The following EPHA3 variants were observed in gnomAD, a reference collection of about 807,000 sequenced individuals.
EPHA3 encodes EPH receptor A3, also known as ephrin type-A receptor 3.
A neutral mutation model predicts 107.1 loss-of-function variants in EPHA3; 42 were observed. The ratio of observed to expected loss-of-function variants is 0.39; its 90% CI spans 0.31 to 0.51. The LOEUF (loss-of-function observed/expected upper bound fraction) is 0.51. Ranked by LOEUF, EPHA3 falls within the 20% of genes least tolerant of loss-of-function variation. The pLI, the probability that EPHA3 is intolerant of heterozygous loss-of-function variation, is 0.78. For missense variants in EPHA3, 1,183 were observed against 1,211.2 expected (o/e 0.98, Z 0.35); for synonymous variants, 461 against 424.8 (o/e 1.09, Z -1.05).
At chr3:89,237,026 AAT>A (rs1289645768) in intron 3 of EPHA3, among the ~76,000 whole-genome samples, 1 of 152,224 alleles carries the variant, frequency 6.6e-6, no homozygotes, top group African/African-American at 2.4e-5. Flanking sequence ...CGAATGGATA[AAT>A]GAATGCATGG....
At chr3:89,259,147 T>C (rs182943244) in intron 3 of EPHA3, among the ~76,000 whole-genome samples, 53 of 152,316 alleles carry the variant, frequency 3.5e-4, no homozygotes, top group African/African-American at 1.1e-3. Context: ...AATATTATTT[T>C]TTAAATTACT....
chr3:89,459,481 CCTT>C (rs1710172914), intron 15 of EPHA3, among the ~76,000 whole-genome samples: 1 of 140,674 alleles, frequency 7.1e-6, no homozygotes, highest in Admixed American at 7.1e-5. Flanking sequence ...TTCCTTCTCT[CCTT>C]CCTTCTCTCC....
Position 89,323,595 on chromosome 3 carries a change from A to T in EPHA3, c.815-17321A>T, listed in dbSNP as rs1302203278. On this transcript the variant is annotated intron_variant, in intron 3 of 16. Coordinates refer to ENST00000336596, the MANE Select transcript of EPHA3 (RefSeq NM_005233.6). ...AAATAGTATTTATTAGCCAACAACA[A>T]CAAAAAGCTTATATTGGAGTTCTTA... 2.6e-5 allele frequency among the ~76,000 whole-genome samples: 4 copies of T among 152,254 alleles called. No individual in the cohort carries two copies. The South Asian group carries it at 6.2e-4, about 24-fold the overall frequency.
At chr3:89,127,723 G>A (rs988891558) in intron 2 of EPHA3, among the ~76,000 whole-genome samples, 3 of 151,962 alleles carry the variant, frequency 2.0e-5, no homozygotes, top group African/African-American at 7.2e-5. Flanking sequence ...ATAAACCTAT[G>A]TTGTCTTAAT....
intron 5 of EPHA3, among the ~76,000 whole-genome samples, chr3:89,368,807 C>T (rs1708233209): frequency 6.7e-6 from 1 of 150,190 alleles, no homozygotes; most frequent in Non-Finnish European, 1.5e-5. Flanking sequence ...CCCATAGATT[C>T]ACCCAGAAAA....
chr3:89,257,187 A>G (rs1705305247), intron 3 of EPHA3, among the ~76,000 whole-genome samples: 1 of 152,178 alleles, frequency 6.6e-6, no homozygotes, highest in Admixed American at 6.5e-5. Flanking sequence ...CCCTTCTTCT[A>G]GCAGCTCAGA....
chr3:89,216,855 TCCAG>T, intron 3 of EPHA3, among the ~76,000 whole-genome samples: 1 of 152,246 alleles, frequency 6.6e-6, no homozygotes, highest in South Asian at 2.1e-4. Context: ...CATTAACTTT[TCCAG>T]CTAATGTTTC....
chr3:89,352,536 T>C (rs1171990483), intron 5 of EPHA3, among the ~76,000 whole-genome samples: 2 of 150,986 alleles, frequency 1.3e-5, no homozygotes, highest in African/African-American at 4.8e-5. Flanking sequence ...GTAAATATCT[T>C]TAATAAATGT....
intron 1 of EPHA3, among the ~76,000 whole-genome samples, chr3:89,110,015 C>T (rs1707063735): frequency 6.6e-6 from 1 of 151,738 alleles, no homozygotes; most frequent in South Asian, 2.1e-4. Flanking sequence ...GTGAAAATGC[C>T]AAGTATGTGC....
chr3:89,356,268 A>G lies in EPHA3; in HGVS notation c.1306+14178A>G, dbSNP rs1252229676. 1.2e-4 allele frequency among the ~76,000 whole-genome samples: 18 copies of G among 150,618 alleles called. No individual in the cohort carries two copies. The Admixed American group carries it at 1.2e-3, about 10-fold the overall frequency. ...TTTGGGTTGGTTCCAAGTCTTTGCTATTGTGAATAGTGCTGCAATAAACAT... is the reference window on the plus strand; with the variant it reads ...TTTGGGTTGGTTCCAAGTCTTTGCTGTTGTGAATAGTGCTGCAATAAACAT... On this transcript the variant is annotated intron_variant, in intron 5 of 16. Transcript: ENST00000336596.
chr3:89,341,739 T>C lies in EPHA3; in HGVS notation c.971-16T>C. 6.3e-7 allele frequency: 1 copy of C among 1,582,254 alleles called. No homozygotes were observed. Among genetic ancestry groups the C allele is most frequent in the South Asian group, 1.2e-5 (1 of 86,510 alleles). On this transcript the variant is annotated splice_polypyrimidine_tract_variant and intron_variant, in intron 4 of 16. Coordinates refer to ENST00000336596, the MANE Select transcript of EPHA3 (RefSeq NM_005233.6). The stretch of plus-strand genomic sequence containing the variant: ...CAGAAGTGAGGCTCATTAATCTTTG[T>C]TGAACTACTTTGCAGGACCTCCATC...
rs185046061 is a variant in EPHA3 at position 89,226,017 on chromosome 3, A to C, written c.814+15497A>C. ...TAGTTGTGGCCTTGAGACATCAATA[A>C]ATGTTTAAATTATATTCACTCCACT... On this transcript the variant is annotated intron_variant, in intron 3 of 16. Coordinates refer to ENST00000336596, the MANE Select transcript of EPHA3 (RefSeq NM_005233.6). Among the ~76,000 whole-genome samples the C allele has an allele frequency of 6.2e-4, 95 of 152,282 alleles. 1 individual carries two copies. The highest frequency in any genetic ancestry group is 2.3e-3 in the African/African-American group (94 of 41,572).
intron 3 of EPHA3, among the ~76,000 whole-genome samples, chr3:89,284,727 T>C (rs1029176234): frequency 3.9e-5 from 6 of 152,144 alleles, no homozygotes; most frequent in African/African-American, 1.4e-4. Flanking sequence ...AGGCCCCAAA[T>C]GAATTGTCCT....
intron 3 of EPHA3, among the ~76,000 whole-genome samples, chr3:89,238,648 T>C (rs1704826642): frequency 6.6e-6 from 1 of 152,316 alleles, no homozygotes; most frequent in South Asian, 2.1e-4. Flanking sequence ...CTGTAACCAA[T>C]GTAGGTTTCG....
At chr3:89,433,226 G>A (rs1709603244) in intron 13 of EPHA3, among the ~76,000 whole-genome samples, 1 of 151,850 alleles carries the variant, frequency 6.6e-6, no homozygotes, top group South Asian at 2.1e-4. Flanking sequence ...ATTCTCATCA[G>A]CTAAGAGAAT....
chr3:89,240,585 T>C (rs1704872134), intron 3 of EPHA3, among the ~76,000 whole-genome samples: 1 of 152,056 alleles, frequency 6.6e-6, no homozygotes, highest in Non-Finnish European at 1.5e-5. Context: ...ACAAAACTAA[T>C]ATATAGTGTG....
chr3:89,296,200 A>G (rs1196064397), intron 3 of EPHA3, among the ~76,000 whole-genome samples: 1 of 152,136 alleles, frequency 6.6e-6, no homozygotes, highest in East Asian at 1.9e-4. Flanking sequence ...CTGAATCACA[A>G]ATGTTTTTAA....
At position 89,466,546 on chromosome 3, in the gene EPHA3, T is replaced by G. The variant is rs1415785731; in HGVS notation, c.2691-5918T>G. ...TATAGTCTTGTGGTGCGCCGTTTCT[T>G]AAGCCGGTCTGAAAAGCGCAATATT... On this transcript the variant is annotated intron_variant, in intron 15 of 16. Transcript: ENST00000336596. Among the ~76,000 whole-genome samples, 10 of 133,442 alleles carry G rather than the reference T, an allele frequency of 7.5e-5. 2 individuals carry two copies. Among genetic ancestry groups the G allele is most frequent in the Non-Finnish European group, 1.6e-4 (10 of 61,398 alleles). The allele number at this position is 133,442 out of a possible 152,430, so 87.5% of individuals were successfully genotyped here.
At chr3:89,197,843 G>A (rs930471453) in intron 2 of EPHA3, among the ~76,000 whole-genome samples, 2 of 152,060 alleles carry the variant, frequency 1.3e-5, no homozygotes, top group African/African-American at 4.8e-5. Context: ...CTGGTGTGGT[G>A]GTGTGTGCCT....
Sources: gnomAD v4.1 joint callset for allele counts (sites outside exome capture counted in the v4.1 genomes callset) on GRCh38, gnomAD v4.1.1 for gene constraint, MANE v1.5 for transcripts, NCBI Gene and HGNC (gene_info 2026-07-23, HGNC 2026-07-21) for gene names.